The following POU2F2 variants were observed in gnomAD, a reference collection of about 807,000 sequenced individuals.
POU2F2 encodes POU class 2 homeobox 2.
In POU2F2, 14 loss-of-function variants were observed where a neutral mutation model predicts 63.5. The observed-to-expected ratio is 0.22, with a 90% CI of 0.15 to 0.34. POU2F2 has a LOEUF of 0.34. Ranked by LOEUF, POU2F2 falls within the 10% of genes least tolerant of loss-of-function variation. The pLI, the probability that POU2F2 is intolerant of heterozygous loss-of-function variation, is 1.00. For synonymous variants in POU2F2, 306 were observed against 348.6 expected, an observed-to-expected ratio of 0.88 and a Z score of 1.36; for missense variants, 607 against 815.2, an observed-to-expected ratio of 0.74 and a Z score of 3.11.
chr19:42,161,005 T>C (rs2034542154), intron 1 of POU2F2, among the ~76,000 whole-genome samples: 1 of 152,202 alleles, frequency 6.6e-6, no homozygotes, highest in African/African-American at 2.4e-5. Context: ...CTGAATCAAG[T>C]GTGGCAGGGG....
rs2076907469 is a variant in POU2F2, at chr19:42,095,989, C to T, written c.730-60G>A. On this transcript the variant is annotated intron_variant, in intron 8 of 14. Transcript: ENST00000692977. The surrounding 1 kb of genome is among the most constrained non-coding windows in gnomAD (Gnocchi z 7.1). The stretch of plus-strand genomic sequence containing the variant: ...GGGTGGGGCCTTCCGGCACTGGGCC[C>T]GCTCCGCCCGCCCACTGGCCACGCC... 1 of 1,599,246 alleles carries T rather than the reference C, an allele frequency of 6.3e-7. No homozygotes were observed. Among genetic ancestry groups the T allele is most frequent in the African/African-American group, 1.3e-5 (1 of 74,674 alleles).
chr19:42,099,076 C>A (rs959122604), intron 7 of POU2F2, among the ~76,000 whole-genome samples: 2 of 152,214 alleles, frequency 1.3e-5, no homozygotes, highest in African/African-American at 4.8e-5. Context: ...CACCTGTGGG[C>A]CTTGTTTTCA....
At chr19:42,135,577 C>T (rs2033990235), upstream of POU2F2, among the ~76,000 whole-genome samples, 1 of 152,128 alleles carries the variant, frequency 6.6e-6, no homozygotes, top group South Asian at 2.1e-4. Context: ...CATGCCCAGC[C>T]TCAGCTCTGG....
In POU2F2 at chr19:42,090,036, G is replaced by C. The variant is rs544383445; in HGVS notation, c.*1221C>G. On this transcript the variant is annotated 3_prime_UTR_variant, in exon 15 of 15. Transcript: ENST00000692977. This position sits in a 1 kb window ranked among gnomAD's most constrained non-coding sequence, Gnocchi z 4.4. ...TGGACCCTGATGGGGATGCCATCTC[G>C]AGGAACCCCACCACTGGGGTGTGTG... 6.6e-6 allele frequency: 1 copy of C among 152,514 alleles called. No homozygotes were observed. The highest frequency in any genetic ancestry group is 1.5e-5 in the Non-Finnish European group (1 of 68,052). The allele number at this position is 152,514 out of a possible 1,614,324, so 9.4% of individuals were successfully genotyped here.
At chr19:42,164,602 G>C (rs1018261701) in intron 1 of POU2F2, among the ~76,000 whole-genome samples, 15 of 151,610 alleles carry the variant, frequency 9.9e-5, no homozygotes, top group Admixed American at 5.9e-4. Flanking sequence ...TTGGGTCCCA[G>C]GTATCTAAAT....
At chr19:42,133,693 C>A (rs767227047), upstream of POU2F2, among the ~76,000 whole-genome samples, 9 of 152,144 alleles carry the variant, frequency 5.9e-5, no homozygotes, top group Non-Finnish European at 1.3e-4. This position sits in a 1 kb window ranked among gnomAD's most constrained non-coding sequence, Gnocchi z 5.1. Context: ...CCAACACCAG[C>A]CCTCCCTGCT....
intron 2 of POU2F2, among the ~76,000 whole-genome samples, chr19:42,139,179 G>A (rs535503715): frequency 6.6e-6 from 1 of 152,268 alleles, no homozygotes; most frequent in East Asian, 1.9e-4. Flanking sequence ...AATTAGCTGG[G>A]CATGGTGGCG....
upstream of POU2F2, among the ~76,000 whole-genome samples, chr19:42,136,186 C>CTTT (rs775409108): frequency 2.3e-4 from 30 of 130,472 alleles, 1 homozygote; most frequent in African/African-American, 5.8e-4. Context: ...CTATGCTTTC[C>CTTT]TTTTTTTTTT....
intron 2 of POU2F2, among the ~76,000 whole-genome samples, chr19:42,148,446 ATCTC>A (rs1294838527): frequency 4.6e-5 from 7 of 152,126 alleles, no homozygotes. Flanking sequence ...CATCAGAGGG[ATCTC>A]TCTAACACAG....
intron 1 of POU2F2, among the ~76,000 whole-genome samples, chr19:42,166,833 C>G (rs968998935): frequency 3.3e-5 from 5 of 152,140 alleles, no homozygotes; most frequent in African/African-American, 1.2e-4. Context: ...AGTGCTCACC[C>G]TGAAGGTGAG....
intron 4 of POU2F2, among the ~76,000 whole-genome samples, chr19:42,119,003 C>T (rs1017820135): frequency 6.6e-6 from 1 of 152,004 alleles, no homozygotes; most frequent in Non-Finnish European, 1.5e-5. Flanking sequence ...TTAAGAGCTA[C>T]AGAGGCCAAG....
chr19:42,131,980 C>A (rs1205916273), intron 1 of POU2F2, among the ~76,000 whole-genome samples: 1 of 152,130 alleles, frequency 6.6e-6, no homozygotes, highest in African/African-American at 2.4e-5. Context: ...CAGATGTGCA[C>A]ACACACACTC....
At chr19:42,164,831 G>A (rs117671670) in intron 1 of POU2F2, among the ~76,000 whole-genome samples, 3,003 of 151,372 alleles carry the variant, frequency 0.02, 50 homozygotes, top group South Asian at 0.074. Context: ...GTGTGGTGGC[G>A]CATACCTACA....
chr19:42,180,005 C>T (rs893900583), upstream of POU2F2, among the ~76,000 whole-genome samples: 2 of 152,136 alleles, frequency 1.3e-5, no homozygotes, highest in African/African-American at 4.8e-5. Flanking sequence ...GAGCAGACTC[C>T]TGGGATCCAC....
intron 1 of POU2F2, among the ~76,000 whole-genome samples, chr19:42,167,855 C>T (rs1158930901): frequency 1.3e-5 from 2 of 152,164 alleles, no homozygotes; most frequent in Non-Finnish European, 2.9e-5. Context: ...CCCAAGAAGC[C>T]CTCAGTAAGC....
chr19:42,142,249 G>C (rs897643524), intron 2 of POU2F2, among the ~76,000 whole-genome samples: 1 of 152,132 alleles, frequency 6.6e-6, no homozygotes, highest in African/African-American at 2.4e-5. Flanking sequence ...GGAGTGCAGT[G>C]GTGTGATCTT....
Position 42,095,685 on chromosome 19 carries a change from A to C in POU2F2, c.880T>G (p.Ser294Ala), listed in dbSNP as rs775430957. The C allele has an allele frequency of 3.1e-6, 5 of 1,611,746 alleles. No homozygotes were observed. The South Asian group carries it at 5.5e-5, about 18-fold the overall frequency. ...EKWLNDAETMSVDSSLPSPNQ... is the reference protein window; with the variant it reads ...EKWLNDAETMAVDSSLPSPNQ... The stretch of plus-strand genomic sequence containing the variant: ...GGGCTGGGCAGGCTTGAGTCCACAG[A>C]CATAGTCTCTGTGCGCCGGGGGAGA... The change falls in exon 10 of 15, where the codon TCT becomes GCT. Residue 294 changes from serine (S) to alanine (A), a missense_variant. Physicochemically the swap from Ser to Ala is moderately conservative, Grantham distance 99. Around this residue, in one of 7 missense-constraint regions of POU2F2, gnomAD observed 39 missense variants for 36.3 expected, o/e 1.07. Coordinates refer to ENST00000692977, the MANE Select transcript of POU2F2 (RefSeq NM_001394376.1). This position sits in a 1 kb window ranked among gnomAD's most constrained non-coding sequence, Gnocchi z 7.1.
In POU2F2 at chr19:42,161,127, G is replaced by A. The variant is rs557375497; in HGVS notation, c.-69-735C>T. Among the ~76,000 whole-genome samples the A allele has an allele frequency of 4.6e-5, 7 of 152,214 alleles. No homozygotes were observed. In the East Asian group the frequency reaches 1.4e-3, roughly 29 times the overall value. On this transcript the variant is annotated intron_variant, in intron 1 of 6. Coordinates refer to the POU2F2 transcript ENST00000524801. ...GCTGGGGTAAGCAGAGGGTGCTGCGGGCATCCTGGGTGAGATCACAGAAGA... is the reference window on the plus strand; with the variant it reads ...GCTGGGGTAAGCAGAGGGTGCTGCGAGCATCCTGGGTGAGATCACAGAAGA...
At chr19:42,192,528 G>A (rs1250598185) in intron 1 of POU2F2, among the ~76,000 whole-genome samples, 13 of 152,142 alleles carry the variant, frequency 8.5e-5, no homozygotes, top group Admixed American at 8.5e-4. Context: ...AAACAGAAAA[G>A]TCTACCTCTG....
Sources: allele counts gnomAD v4.1 joint callset (sites outside exome capture counted in the v4.1 genomes callset), GRCh38; gene constraint gnomAD v4.1.1; regional missense constraint gnomAD v4.1.1; non-coding constraint Gnocchi (gnomAD v3.1); transcripts MANE v1.5; gene names NCBI Gene and HGNC (gene_info 2026-07-23, HGNC 2026-07-21).